GBGT1: variants seen among roughly 807,000 people sequenced by gnomAD.
GBGT1 encodes globoside alpha-1,3-N-acetylgalactosaminyltransferase 1.
A neutral mutation model predicts 20.9 loss-of-function variants in GBGT1; 18 were observed. That is an observed-to-expected ratio of 0.86 (90% confidence interval 0.60 to 1.28). GBGT1 has a LOEUF of 1.28. Ranked by LOEUF, GBGT1 falls within the 50% of genes most tolerant of loss-of-function variation. The pLI, the probability that GBGT1 is intolerant of heterozygous loss-of-function variation, is 0.00. For missense variants in GBGT1, 432 were observed against 455.7 expected (o/e 0.95, Z 0.47); for synonymous variants, 168 against 180.8 (o/e 0.93, Z 0.57).
At position 133,153,508 on chromosome 9, in the gene GBGT1, G is replaced by A; in HGVS notation, c.*69C>T. 4 of 1,180,884 alleles carry A rather than the reference G, an allele frequency of 3.4e-6. No individual in the cohort carries two copies. The South Asian group carries it at 4.5e-5, about 13-fold the overall frequency. 73.2% of individuals were successfully genotyped at this position (1,180,884 alleles called of 1,614,324 possible). A position where few individuals can be genotyped will look rare whatever the true frequency, so the allele number is the denominator to read the frequency against. On this transcript the variant is annotated 3_prime_UTR_variant, in exon 7 of 7. Transcript: ENST00000372040. ...CAGGGAGGCGGGACAGGGCTGGTCT[G>A]CACGCTAGTGAAGCACTGGTGGCTG... is the stretch of plus-strand genomic sequence containing the variant.
At chr9:133,155,022 C>A in intron 6 of GBGT1, 156 bp downstream of exon 6, 1 of 636,476 alleles carries the variant, frequency 1.6e-6, no homozygotes, top group Non-Finnish European at 2.8e-6. Flanking sequence ...CCCACTATCA[C>A]ACCCTACACT....
Position 133,154,316 on chromosome 9 carries a change from C to A in GBGT1, c.360-55G>T. On this transcript the variant is annotated intron_variant, in intron 6 of 6. Transcript: ENST00000372040. The surrounding 1 kb of genome is among the most constrained non-coding windows in gnomAD (Gnocchi z 4.2). ...TACACCAGCAGCCTGCCAGGGTCCC[C>A]ACTGTGTGCTGGGGTCAGCCAGGCT... is the stretch of plus-strand genomic sequence containing the variant. 8.4e-7 allele frequency: 1 copy of A among 1,187,970 alleles called. No individual in the cohort carries two copies. The highest frequency in any genetic ancestry group is 1.2e-6 in the Non-Finnish European group (1 of 851,808). 73.6% of individuals were successfully genotyped at this position (1,187,970 alleles called of 1,614,324 possible).
At chr9:133,156,169 G>A (rs1832864588) in intron 3 of GBGT1, 104 bp from the exon 4 acceptor site, 1 of 1,240,886 alleles carries the variant, frequency 8.1e-7, no homozygotes, top group South Asian at 1.3e-5. Context: ...GGGCACCCAG[G>A]GTCCATGCAG....
At chr9:133,159,606 C>T (rs1405479248) in intron 3 of GBGT1, among the ~76,000 whole-genome samples, 1 of 151,798 alleles carries the variant, frequency 6.6e-6, no homozygotes, top group Admixed American at 6.6e-5. Context: ...GCCTGGGCAA[C>T]ATAGTGAGAC....
In GBGT1 at chr9:133,155,308, T is replaced by C. The variant is rs146029453; in HGVS notation, c.229A>G (p.Thr77Ala). The C allele has an allele frequency of 1.2e-6, 2 of 1,613,914 alleles. No individual in the cohort carries two copies. The highest frequency in any genetic ancestry group is 1.7e-5 in the Admixed American group (1 of 59,996). Reference protein sequence around the residue: ...PQPKLLEHRPTQLLTLTPWLA... With the variant: ...PQPKLLEHRPAQLLTLTPWLA... ...CAGGGTGTGAGTGTCAGCAGCTGTG[T>C]GGGCCTGGCAGCAGGGGGGCCGTGG... Residue 77 changes from threonine (T) to alanine (A), a missense_variant, in exon 6 of 7, where the codon ACA becomes GCA. Thr to Ala is a moderately conservative substitution (Grantham distance 58, BLOSUM62 0). Transcript: ENST00000372040.
At chr9:133,158,511 T>A (rs1405575274) in intron 3 of GBGT1, among the ~76,000 whole-genome samples, 1 of 152,192 alleles carries the variant, frequency 6.6e-6, no homozygotes, top group Admixed American at 6.5e-5. Context: ...CTTGAACTCC[T>A]GAGCTCAAGT....
chr9:133,155,111 C>T, intron 6 of GBGT1, 67 bp downstream of exon 6: 1 of 1,475,624 alleles, frequency 6.8e-7, no homozygotes, highest in South Asian at 1.2e-5. Context: ...CTGGTCTGGT[C>T]TCTTCCCAAC....
At position 133,155,723 on chromosome 9, in the gene GBGT1, C is replaced by T. The variant is rs572933304; in HGVS notation, c.224+178G>A. Among the ~76,000 whole-genome samples, 20 of 152,302 alleles carry T rather than the reference C, an allele frequency of 1.3e-4. No individual in the cohort carries two copies. In the South Asian group the frequency reaches 1.9e-3, roughly 14 times the overall value. The stretch of plus-strand genomic sequence containing the variant: ...AGAAAAAGCTCAGAGCAGTTGGGTA[C>T]GCTGCCCAGGGTCACACAGCCCAGG... On this transcript the variant is annotated intron_variant, in intron 5 of 6. Transcript: ENST00000372040.
rs562911024 is a variant in GBGT1, at chr9:133,162,494, G to A, written c.-82C>T. ...GATGAGGCTGTCCCCTCGCAGGGAT[G>A]TCAGGCTCTGAGCCTGGTCTCTGAG... is the stretch of plus-strand genomic sequence containing the variant. On this transcript the variant is annotated 5_prime_UTR_variant, in exon 2 of 7. Coordinates refer to ENST00000372040, the MANE Select transcript of GBGT1 (RefSeq NM_021996.6). 3.9e-3 allele frequency: 4,489 copies of A among 1,155,524 alleles called. 15 individuals are homozygous for A. Among genetic ancestry groups the A allele is most frequent in the Non-Finnish European group, 5.0e-3 (3,928 of 784,962 alleles). The allele number at this position is 1,155,524 out of a possible 1,614,324, so 71.6% of individuals were successfully genotyped here.
At chr9:133,160,681 T>C (rs920075849) in intron 3 of GBGT1, among the ~76,000 whole-genome samples, 1 of 151,920 alleles carries the variant, frequency 6.6e-6, no homozygotes, top group Non-Finnish European at 1.5e-5. Context: ...AGAGAGAGGC[T>C]CAAAAATTAT....
At position 133,154,240 on chromosome 9, in the gene GBGT1, G is replaced by A. The variant is rs1468806333; in HGVS notation, c.381C>T (p.Ser127=). ...AVGKYTHFIQ[S]FLESAEEFFM... is the part of the protein sequence containing the mutation. Reference sequence around the variant, plus strand: ...AGAACTCCTCGGCTGACTCCAGGAAGGACTGGATGAAATGAGTGTACCTAG... The same window carrying A: ...AGAACTCCTCGGCTGACTCCAGGAAAGACTGGATGAAATGAGTGTACCTAG... Residue 127 remains serine, a synonymous_variant, in exon 7 of 7, where the codon TCC becomes TCT. Coordinates refer to ENST00000372040, the MANE Select transcript of GBGT1 (RefSeq NM_021996.6). This position sits in a 1 kb window ranked among gnomAD's most constrained non-coding sequence, Gnocchi z 4.2. 3 of 1,529,516 alleles carry A rather than the reference G, an allele frequency of 2.0e-6. No individual in the cohort carries two copies. The African/African-American group carries it at 4.1e-5, about 21-fold the overall frequency. The allele number at this position is 1,529,516 out of a possible 1,614,324, so 94.7% of individuals were successfully genotyped here.
intron 6 of GBGT1, 119 bp downstream of exon 6, chr9:133,155,059 T>G (rs1288406666): frequency 7.1e-6 from 6 of 847,710 alleles, no homozygotes; most frequent in South Asian, 1.6e-5. Context: ...TGGCACCTGG[T>G]TCCGAGCCTC....
chr9:133,157,796 G>T (rs1832915141), intron 3 of GBGT1, among the ~76,000 whole-genome samples: 1 of 152,208 alleles, frequency 6.6e-6, no homozygotes, highest in Admixed American at 6.5e-5. Flanking sequence ...CCACAAAATG[G>T]GGACAATAAA....
chr9:133,157,430 A>C (rs1832904683), intron 3 of GBGT1, among the ~76,000 whole-genome samples: 1 of 152,056 alleles, frequency 6.6e-6, no homozygotes, highest in Non-Finnish European at 1.5e-5. Flanking sequence ...CCTACCTCTT[A>C]CTGGTTCTGT....
rs147921910 is a variant in GBGT1 at position 133,154,125 on chromosome 9, T to A, written c.496A>T (p.Ser166Cys). ...GAGTGACCCTGGATGGGGATGGAGC[T>A]GAGAAGCCGGTGGGGACCCAGCGGG... ...GVPLGPHRLLSSIPIQGHSHW... is the reference protein window; with the variant it reads ...GVPLGPHRLLCSIPIQGHSHW... Residue 166 changes from serine to cysteine, a missense_variant, in exon 7 of 7, where the codon AGC becomes TGC. By Grantham distance (112) the Ser-to-Cys change is moderately radical. Coordinates refer to ENST00000372040, the MANE Select transcript of GBGT1 (RefSeq NM_021996.6). This position sits in a 1 kb window ranked among gnomAD's most constrained non-coding sequence, Gnocchi z 4.2. 1 of 1,607,860 alleles carries A rather than the reference T, an allele frequency of 6.2e-7. No individual in the cohort carries two copies. The highest frequency in any genetic ancestry group is 8.5e-7 in the Non-Finnish European group (1 of 1,175,528).
intron 3 of GBGT1, among the ~76,000 whole-genome samples, chr9:133,158,620 G>A (rs118101374): frequency 0.021 from 3,149 of 152,242 alleles, 66 homozygotes; most frequent in South Asian, 0.037. Context: ...TGATGGGGTG[G>A]CTGAAGCCTC....
At chr9:133,158,785 T>C (rs1321957272) in intron 3 of GBGT1, among the ~76,000 whole-genome samples, 1 of 152,138 alleles carries the variant, frequency 6.6e-6, no homozygotes, top group South Asian at 2.1e-4. Flanking sequence ...TGTCCAGAAC[T>C]TTTTCATCAT....
At chr9:133,161,376 G>A (rs532845614) in intron 3 of GBGT1, 91 bp downstream of exon 3, 4 of 673,650 alleles carry the variant, frequency 5.9e-6, no homozygotes, top group East Asian at 2.8e-5. Flanking sequence ...ATCAGGAACC[G>A]GCAGATGAAG....
rs1438436385 is a variant in GBGT1, at chr9:133,154,911, G to A, written c.359+267C>T. 4 of 420,904 alleles carry A rather than the reference G, an allele frequency of 9.5e-6. No individual in the cohort carries two copies. Among genetic ancestry groups the A allele is most frequent in the Admixed American group, 3.8e-5 (1 of 26,352 alleles). 26.1% of individuals were successfully genotyped at this position (420,904 alleles called of 1,614,324 possible). On this transcript the variant is annotated intron_variant, in intron 6 of 6. Transcript: ENST00000372040. This position sits in a 1 kb window ranked among gnomAD's most constrained non-coding sequence, Gnocchi z 4.2. ...GGAGGGGTCTAGATGAAACAGGGAG[G>A]GGCAAGGGGGCCTCCTGACAAAGGC...
Sources: allele counts gnomAD v4.1 joint callset (sites outside exome capture counted in the v4.1 genomes callset), GRCh38; gene constraint gnomAD v4.1.1; non-coding constraint Gnocchi (gnomAD v3.1); transcripts MANE v1.5; gene names NCBI Gene and HGNC (gene_info 2026-07-23, HGNC 2026-07-21).